Variants in ANGPT1 observed in about 807,000 individuals in gnomAD.
ANGPT1 encodes the protein angiopoietin 1.
Under a neutral mutation model 62.2 loss-of-function variants are expected in ANGPT1, and 17 were observed. That is an observed-to-expected ratio of 0.27 (90% CI 0.19 to 0.41). The LOEUF is 0.41. ANGPT1 is among the 10% of genes least tolerant of loss of function. The pLI is 1.00. For missense variants in ANGPT1, 478 were observed against 594.9 expected, an observed-to-expected ratio of 0.80 and a Z score of 2.04; for synonymous variants, 199 against 198.9, an observed-to-expected ratio of 1.00 and a Z score of 0.00.
intron 8 of ANGPT1, among the ~76,000 whole-genome samples, chr8:107,259,166 T>C (rs1020473447): frequency 6.6e-5 from 10 of 152,212 alleles, no homozygotes; most frequent in Non-Finnish European, 1.2e-4. Flanking sequence ...GGATCTTCTT[T>C]TCTCTCAATA....
At chr8:107,331,237 CAT>C (rs370807856) in intron 3 of ANGPT1, among the ~76,000 whole-genome samples, 94 of 152,232 alleles carry the variant, frequency 6.2e-4, no homozygotes, top group African/African-American at 1.5e-3. Context: ...TGAAGTTGCA[CAT>C]GTTTCAATCA....
intron 3 of ANGPT1, among the ~76,000 whole-genome samples, chr8:107,323,937 G>A (rs980240146): frequency 6.6e-6 from 1 of 151,762 alleles, no homozygotes; most frequent in Non-Finnish European, 1.5e-5. Flanking sequence ...CTGCCACCAT[G>A]CCCAGCTAAT....
chr8:107,487,483 A>G (rs1812844534), intron 1 of ANGPT1, among the ~76,000 whole-genome samples: 1 of 152,142 alleles, frequency 6.6e-6, no homozygotes, highest in Non-Finnish European at 1.5e-5. Context: ...ATAAATTCAT[A>G]TAAGGCCTAA....
At chr8:107,432,888 T>C (rs1811231181) in intron 1 of ANGPT1, among the ~76,000 whole-genome samples, 1 of 152,172 alleles carries the variant, frequency 6.6e-6, no homozygotes, top group Non-Finnish European at 1.5e-5. Flanking sequence ...TGCAGAATCT[T>C]CTGGTTTAAT....
chr8:107,277,760 T>G (rs1813899565), intron 7 of ANGPT1, among the ~76,000 whole-genome samples: 1 of 152,096 alleles, frequency 6.6e-6, no homozygotes, highest in Non-Finnish European at 1.5e-5. Context: ...CAGAAAGAAA[T>G]AGTCAGATAA....
chr8:107,429,602 T>C (rs1360743244), intron 1 of ANGPT1, among the ~76,000 whole-genome samples: 5 of 125,742 alleles, frequency 4.0e-5, no homozygotes, highest in African/African-American at 1.6e-4. Flanking sequence ...CCAGAGCCAA[T>C]AGGAGCTCAA....
chr8:107,336,022 A>T, intron 3 of ANGPT1, 128 bp downstream of exon 3: 1 of 815,852 alleles, frequency 1.2e-6, no homozygotes, highest in African/African-American at 1.8e-5. Context: ...TTTTTATATT[A>T]ATATTAATTT....
chr8:107,260,387 C>G (rs1813464124), intron 8 of ANGPT1, among the ~76,000 whole-genome samples: 1 of 151,952 alleles, frequency 6.6e-6, no homozygotes, highest in South Asian at 2.1e-4. Flanking sequence ...TGACAAAGAG[C>G]TATGAGTTAC....
chr8:107,423,209 T>C (rs145441337), intron 1 of ANGPT1, among the ~76,000 whole-genome samples: 2 of 152,320 alleles, frequency 1.3e-5, no homozygotes, highest in African/African-American at 4.8e-5. Context: ...CTACTTTCTC[T>C]TCCCCCCTAC....
intron 1 of ANGPT1, among the ~76,000 whole-genome samples, chr8:107,400,561 CTTT>C (rs781428137): frequency 3.5e-5 from 5 of 142,478 alleles, no homozygotes; most frequent in Admixed American, 7.1e-5. Context: ...ACATTTCTTT[CTTT>C]TTTTTTTTTT....
At chr8:107,275,645 C>T (rs1018449418) in intron 7 of ANGPT1, among the ~76,000 whole-genome samples, 1 of 152,144 alleles carries the variant, frequency 6.6e-6, no homozygotes, top group Non-Finnish European at 1.5e-5. Context: ...CATGAACACA[C>T]GTATACATGA....
At chr8:107,353,484 C>G (rs1815975551) in intron 1 of ANGPT1, among the ~76,000 whole-genome samples, 1 of 152,144 alleles carries the variant, frequency 6.6e-6, no homozygotes, top group South Asian at 2.1e-4. Flanking sequence ...TTTGGATCTC[C>G]CCTTTCGCCA....
intron 1 of ANGPT1, among the ~76,000 whole-genome samples, chr8:107,388,188 C>T (rs1481035021): frequency 1.3e-5 from 2 of 151,974 alleles, no homozygotes; most frequent in African/African-American, 4.8e-5. Context: ...GATAAAGTTC[C>T]TGAAACAAAA....
intron 1 of ANGPT1, among the ~76,000 whole-genome samples, chr8:107,364,350 G>T (rs147909307): frequency 7.0e-4 from 106 of 152,172 alleles, no homozygotes; most frequent in African/African-American, 2.3e-3. Flanking sequence ...GTGAAATCTC[G>T]ACTGACTGTA....
At chr8:107,389,163 C>T (rs966403942) in intron 1 of ANGPT1, among the ~76,000 whole-genome samples, 1 of 152,154 alleles carries the variant, frequency 6.6e-6, no homozygotes, top group African/African-American at 2.4e-5. Flanking sequence ...GCCTGGAAAG[C>T]TGGGTTCTAA....
intron 3 of ANGPT1, among the ~76,000 whole-genome samples, chr8:107,322,915 T>G (rs969773913): frequency 8.5e-5 from 13 of 152,204 alleles, no homozygotes; most frequent in Non-Finnish European, 1.8e-4. Flanking sequence ...TCTTGTGATT[T>G]TTGATAACTG....
rs547944555 is a variant in ANGPT1 at position 107,285,523 on chromosome 8, C to G, written c.1039-675G>C. 6.6e-5 allele frequency among the ~76,000 whole-genome samples: 10 copies of G among 152,176 alleles called. No homozygotes were observed. The South Asian group carries it at 1.9e-3, about 28-fold the overall frequency. On this transcript the variant is annotated intron_variant, in intron 6 of 8. Coordinates refer to ENST00000517746, the MANE Select transcript of ANGPT1 (RefSeq NM_001146.5). ...CTGCACTGGCATTGGAATTTTGAGGCAGAAGGCTGATTTGTAAGTGCTCCT... is the reference window on the plus strand; with the variant it reads ...CTGCACTGGCATTGGAATTTTGAGGGAGAAGGCTGATTTGTAAGTGCTCCT...
chr8:107,318,574 CTT>C (rs1417190624), intron 4 of ANGPT1, among the ~76,000 whole-genome samples: 1 of 152,148 alleles, frequency 6.6e-6, no homozygotes, highest in Non-Finnish European at 1.5e-5. Context: ...TTGACTATGA[CTT>C]AACACAGAAG....
intron 1 of ANGPT1, among the ~76,000 whole-genome samples, chr8:107,364,174 T>A (rs1437437291): frequency 6.6e-6 from 1 of 152,214 alleles, no homozygotes; most frequent in Non-Finnish European, 1.5e-5. Flanking sequence ...TCTTTTGGAA[T>A]TTTTTATATA....
Sources: allele counts gnomAD v4.1 joint callset (sites outside exome capture counted in the v4.1 genomes callset), GRCh38; gene constraint gnomAD v4.1.1; transcripts MANE v1.5; gene names NCBI Gene and HGNC (gene_info 2026-07-23, HGNC 2026-07-21).